ROBO1: variants seen among roughly 807,000 people sequenced by gnomAD.
ROBO1 encodes roundabout guidance receptor 1, also known as roundabout homolog 1.
Under a neutral mutation model 195.9 loss-of-function variants are expected in ROBO1, and 149 were observed. The observed-to-expected ratio is 0.76, with a 90% confidence interval of 0.67 to 0.87. The LOEUF (loss-of-function observed/expected upper bound fraction) is 0.87. Among genes scored for constraint, ROBO1 ranks in the 40% least tolerant of loss-of-function variants. The pLI is 0.00. For synonymous variants in ROBO1, 816 were observed against 733.2 expected, an observed-to-expected ratio of 1.11 and a Z score of -1.82; for missense variants, 1,933 against 2,068.3, an observed-to-expected ratio of 0.93 and a Z score of 1.27.
intron 5 of ROBO1, among the ~76,000 whole-genome samples, chr3:78,741,548 T>C (rs1305722918): frequency 6.6e-6 from 1 of 152,194 alleles, no homozygotes; most frequent in African/African-American, 2.4e-5. Context: ...GTTAACTTTT[T>C]CCCAATCTTA....
rs1423208191 is a variant in ROBO1 at position 78,607,055 on chromosome 3, T to C, written c.4436-14A>G. On this transcript the variant is annotated splice_polypyrimidine_tract_variant and intron_variant, in intron 28 of 30. Transcript: ENST00000464233. ...GTGGTGGAAGATCTAAAAAGAAACA[T>C]TAAAAATACTACTGTAAAAGTCTGC... 2 of 1,599,794 alleles carry C rather than the reference T, an allele frequency of 1.3e-6. No homozygotes were observed. Among genetic ancestry groups the C allele is most frequent in the Admixed American group, 1.7e-5 (1 of 58,460 alleles).
chr3:78,707,307 G>A (rs904561142), intron 8 of ROBO1, among the ~76,000 whole-genome samples: 1 of 152,094 alleles, frequency 6.6e-6, no homozygotes, highest in Non-Finnish European at 1.5e-5. Flanking sequence ...CTCCCCTATT[G>A]CATGTCAGTC....
At chr3:79,734,199 G>C (rs1703282183) in intron 1 of ROBO1, among the ~76,000 whole-genome samples, 1 of 151,864 alleles carries the variant, frequency 6.6e-6, no homozygotes, top group Non-Finnish European at 1.5e-5. Flanking sequence ...CTCTCACCTC[G>C]GCCTCCCAAA....
intron 2 of ROBO1, among the ~76,000 whole-genome samples, chr3:79,561,118 T>C (rs1293221061): frequency 6.6e-6 from 1 of 152,146 alleles, no homozygotes; most frequent in African/African-American, 2.4e-5. Context: ...ATATATGACC[T>C]TCTTTCCATC....
intron 2 of ROBO1, among the ~76,000 whole-genome samples, chr3:79,503,889 TTA>T (rs1431508626): frequency 2.0e-5 from 3 of 152,192 alleles, no homozygotes; most frequent in Non-Finnish European, 4.4e-5. Flanking sequence ...AATGGCCGTC[TTA>T]TGGTTTAGGA....
chr3:79,362,766 A>G (rs1055532359), intron 2 of ROBO1, among the ~76,000 whole-genome samples: 4 of 152,256 alleles, frequency 2.6e-5, no homozygotes, highest in Non-Finnish European at 2.9e-5. Context: ...TCTAGGCAAA[A>G]GGATTAATTT....
chr3:78,696,365 C>T (rs969498780), intron 8 of ROBO1, among the ~76,000 whole-genome samples: 7 of 152,102 alleles, frequency 4.6e-5, no homozygotes, highest in African/African-American at 1.7e-4. Context: ...TGGAAGTGAC[C>T]TTAGAACTTA....
At chr3:79,590,950 T>TA (rs1390277406) in intron 1 of ROBO1, among the ~76,000 whole-genome samples, 2 of 151,552 alleles carry the variant, frequency 1.3e-5, no homozygotes, top group Non-Finnish European at 3.0e-5. Context: ...ATGGGGAACT[T>TA]AAAAAATAAA....
At chr3:78,690,354 A>G (rs1360863559) in intron 8 of ROBO1, among the ~76,000 whole-genome samples, 3 of 151,984 alleles carry the variant, frequency 2.0e-5, no homozygotes, top group African/African-American at 7.2e-5. Context: ...CTGAAAAATC[A>G]GGTCAAAGGC....
intron 3 of ROBO1, among the ~76,000 whole-genome samples, chr3:79,072,519 C>A (rs944589479): frequency 2.0e-5 from 3 of 151,846 alleles, no homozygotes; most frequent in Admixed American, 1.3e-4. Context: ...TATGTCCAAT[C>A]AAGTTTGCCA....
At chr3:79,521,158 A>C (rs1462552456) in intron 2 of ROBO1, among the ~76,000 whole-genome samples, 1 of 152,148 alleles carries the variant, frequency 6.6e-6, no homozygotes, top group East Asian at 1.9e-4. Flanking sequence ...TGGAGTGCTT[A>C]ATTATACTGG....
rs900330636 is a variant in ROBO1 at position 79,736,656 on chromosome 3, T to C, written c.-51+31096A>G. ...ACAATTCAGTGGACAATGTTAATCA[T>C]ATTGCATGTCAGGCTACTCCTGAGA... On this transcript the variant is annotated intron_variant, in intron 1 of 30. Transcript: ENST00000464233. Among the ~76,000 whole-genome samples, 4 of 152,302 alleles carry C rather than the reference T, an allele frequency of 2.6e-5. No individual in the cohort carries two copies. In the East Asian group the frequency reaches 5.8e-4, roughly 22 times the overall value.
intron 2 of ROBO1, among the ~76,000 whole-genome samples, chr3:79,164,459 T>G (rs185001227): frequency 6.6e-6 from 1 of 152,202 alleles, no homozygotes; most frequent in South Asian, 2.1e-4. Context: ...ACCACCTTTA[T>G]AATGTAACCA....
chr3:78,632,899 T>C (rs1375934960), intron 24 of ROBO1, among the ~76,000 whole-genome samples: 1 of 152,158 alleles, frequency 6.6e-6, no homozygotes, highest in Non-Finnish European at 1.5e-5. Context: ...TTGACTTAGC[T>C]TCAAAAAAGA....
At chr3:79,590,608 G>A (rs1243924171) in intron 1 of ROBO1, among the ~76,000 whole-genome samples, 1 of 151,688 alleles carries the variant, frequency 6.6e-6, no homozygotes, top group Non-Finnish European at 1.5e-5. Context: ...ATATATGCAG[G>A]TGACTGGTTA....
At chr3:78,723,310 A>G (rs2108124694) in intron 5 of ROBO1, among the ~76,000 whole-genome samples, 1 of 152,306 alleles carries the variant, frequency 6.6e-6, no homozygotes, top group East Asian at 1.9e-4. Flanking sequence ...TGGCTATATC[A>G]TATAGCCTAG....
At chr3:78,954,215 C>A (rs921385378) in intron 3 of ROBO1, among the ~76,000 whole-genome samples, 2 of 151,860 alleles carry the variant, frequency 1.3e-5, no homozygotes, top group African/African-American at 4.8e-5. Flanking sequence ...GCATCAGAGA[C>A]TGACTAACTA....
intron 2 of ROBO1, among the ~76,000 whole-genome samples, chr3:79,550,197 A>AAAGGAAAGGAAAGGAAAGGAAAGGAAAGG (rs142251104): frequency 5.2e-5 from 1 of 19,298 alleles, no homozygotes; most frequent in African/African-American, 1.4e-4. Flanking sequence ...GAAAGAAAGG[A>AAAGGAAAGGAAAGGAAAGGAAAGGAAAGG]AAAGAAAAGA....
At chr3:79,722,551 A>T (rs1335017682) in intron 1 of ROBO1, among the ~76,000 whole-genome samples, 2 of 152,144 alleles carry the variant, frequency 1.3e-5, no homozygotes, top group Non-Finnish European at 2.9e-5. Flanking sequence ...ATTCCAGTTA[A>T]TTATCTCCCT....
Sources: gnomAD v4.1 joint callset for allele counts (sites outside exome capture counted in the v4.1 genomes callset) on GRCh38, gnomAD v4.1.1 for gene constraint, MANE v1.5 for transcripts, NCBI Gene and HGNC (gene_info 2026-07-23, HGNC 2026-07-21) for gene names.